RBM39: variants seen among roughly 807,000 people sequenced by gnomAD.
The protein encoded by RBM39 is RNA-binding protein 39.
In RBM39, 12 loss-of-function variants were observed where a neutral mutation model predicts 79.6. The ratio of observed to expected loss-of-function variants is 0.15; its 90% CI spans 0.10 to 0.24. RBM39 has a LOEUF of 0.24. Among genes scored for constraint, RBM39 ranks in the 10% least tolerant of loss-of-function variants. The pLI is 1.00. For missense variants in RBM39, 243 were observed against 653.4 expected, an observed-to-expected ratio of 0.37 and a Z score of 6.85; for synonymous variants, 185 against 208.4, an observed-to-expected ratio of 0.89 and a Z score of 0.97.
intron 2 of RBM39, 76 bp from the exon 3 acceptor site, chr20:35,739,093 G>C: frequency 8.4e-7 from 1 of 1,186,712 alleles, no homozygotes; most frequent in Non-Finnish European, 1.2e-6. Flanking sequence ...AAAGGGAACA[G>C]GAATAAGAAA....
intron 1 of RBM39, 64 bp from the exon 2 acceptor site, chr20:35,740,951 CT>C: frequency 1.7e-6 from 2 of 1,160,968 alleles, no homozygotes; most frequent in Non-Finnish European, 2.5e-6. Context: ...ACAAGTTTCA[CT>C]CTTGTTGCCT....
chr20:35,712,937 A>C (rs2036624697), intron 12 of RBM39, 82 bp downstream of exon 12: 1 of 1,074,214 alleles, frequency 9.3e-7, no homozygotes, highest in Non-Finnish European at 1.3e-6. Flanking sequence ...ATTCTCAGTA[A>C]GTCCTTTTAA....
intron 13 of RBM39, chr20:35,708,766 A>T (rs1257596358): frequency 6.4e-6 from 1 of 156,500 alleles, no homozygotes; most frequent in Non-Finnish European, 1.4e-5. Context: ...ATTGCTTGGT[A>T]CTGGCTTAAA....
rs376897761 is a variant in RBM39 at position 35,705,364 on chromosome 20, T to C, written c.1308-34A>G. On this transcript the variant is annotated intron_variant, in intron 14 of 16. Coordinates refer to ENST00000253363, the MANE Select transcript of RBM39 (RefSeq NM_184234.3). Reference sequence around the variant, plus strand: ...AAGTATTAAGGACTCTTAAATACTATTGAAACTAACAAACTATATATTTAC... The same window carrying C: ...AAGTATTAAGGACTCTTAAATACTACTGAAACTAACAAACTATATATTTAC... 255 of 1,138,604 alleles carry C rather than the reference T, an allele frequency of 2.2e-4. No homozygotes were observed. The African/African-American group carries it at 2.3e-3, about 10-fold the overall frequency. The allele number at this position is 1,138,604 out of a possible 1,614,324, so 70.5% of individuals were successfully genotyped here. A position where few individuals can be genotyped will look rare whatever the true frequency, so the allele number is the denominator to read the frequency against.
intron 1 of RBM39, 143 bp from the exon 2 acceptor site, chr20:35,741,030 C>CTTTTTTATTTTTTTTTTTTTTTT (rs2040449629): frequency 8.4e-6 from 1 of 118,628 alleles, no homozygotes. Flanking sequence ...AAACATTTTT[C>CTTTTTTATTTTTTTTTTTTTTTT]TTTTTTTTTT....
rs1227073501 is a variant in RBM39, at chr20:35,742,055, G to A, written c.-128C>T. ...TGCTACTGTTAAGCCCCTAGGCCCA[G>A]GCCGCGGAACCGCCCAGCCCGAATA... On this transcript the variant is annotated 5_prime_UTR_variant, in exon 1 of 17. Transcript: ENST00000253363. 5.0e-6 allele frequency: 1 copy of A among 199,904 alleles called. No homozygotes were observed. Among genetic ancestry groups the A allele is most frequent in the Non-Finnish European group, 1.0e-5 (1 of 95,426 alleles). 12.4% of individuals were successfully genotyped at this position (199,904 alleles called of 1,614,324 possible). A position where few individuals can be genotyped will look rare whatever the true frequency, so the allele number is the denominator to read the frequency against.
At chr20:35,724,773 G>T in intron 7 of RBM39, 51 bp from the exon 8 acceptor site, 1 of 1,579,884 alleles carries the variant, frequency 6.3e-7, no homozygotes. Context: ...AACACATGTA[G>T]AATTATTTCA....
chr20:35,713,254 AGG>A (rs1491457273), intron 11 of RBM39, 158 bp from the exon 12 acceptor site: 2 of 546,908 alleles, frequency 3.7e-6, no homozygotes, highest in African/African-American at 3.8e-5. Context: ...TGGGAGGCCA[AGG>A]GAGGTGGTTC....
intron 3 of RBM39, 178 bp from the exon 4 acceptor site, chr20:35,732,313 T>G (rs866571003): frequency 1.7e-5 from 11 of 628,852 alleles, no homozygotes; most frequent in Admixed American, 8.9e-5. Context: ...ATCTCAGCAC[T>G]TTGGTAGGCC....
intron 6 of RBM39, among the ~76,000 whole-genome samples, chr20:35,725,367 CAAT>C (rs754622113): frequency 1.4e-4 from 22 of 152,136 alleles, no homozygotes; most frequent in African/African-American, 2.9e-4. Flanking sequence ...AACTCCACAA[CAAT>C]ATTTCCATCT....
At chr20:35,732,159 TATC>T in intron 3 of RBM39, 24 bp from the exon 4 acceptor site, 1 of 1,611,170 alleles carries the variant, frequency 6.2e-7, no homozygotes, top group East Asian at 2.2e-5. Flanking sequence ...AACTCGCCAT[TATC>T]ATGCTGGCTT....
At chr20:35,734,573 C>A in intron 3 of RBM39, 1 of 233,108 alleles carries the variant, frequency 4.3e-6, no homozygotes, top group Non-Finnish European at 8.4e-6. Context: ...GCAAGAGAGG[C>A]AACCAACCTA....
chr20:35,704,535 G>A lies in RBM39; in HGVS notation c.1539C>T (p.Asn513=). 1 of 1,613,616 alleles carries A rather than the reference G, an allele frequency of 6.2e-7. No individual in the cohort carries two copies. Among genetic ancestry groups the A allele is most frequent in the Non-Finnish European group, 8.5e-7 (1 of 1,179,624 alleles). Reference sequence around the variant, plus strand: ...TTGCTGTCATAGAATCAGGAAACAGGTTGTGGTAAGTTGGAAGAGGTACAT... The same window carrying A: ...TTGCTGTCATAGAATCAGGAAACAGATTGTGGTAAGTTGGAAGAGGTACAT... ...AAYVPLPTYH[N]LFPDSMTATQ... The change falls in exon 17 of 17, where the codon AAC becomes AAT. Residue 513 remains asparagine (N), a synonymous_variant. Transcript: ENST00000253363.
At position 35,702,570 on chromosome 20, in the gene RBM39, T is replaced by TA. The variant is rs571393930; in HGVS notation, c.*1910dup. On this transcript the variant is annotated 3_prime_UTR_variant, in exon 17 of 17. Coordinates refer to ENST00000253363, the MANE Select transcript of RBM39 (RefSeq NM_184234.3). ...AAGGGGAAAAACTGATAGCAGGAGA[T>TA]ACTTTGGAAAAAGAGCACACTGACA... 96 of 151,956 alleles carry TA rather than the reference T, an allele frequency of 6.3e-4. No homozygotes were observed. Among genetic ancestry groups the TA allele is most frequent in the African/African-American group, 2.3e-3 (95 of 41,552 alleles). The allele number at this position is 151,956 out of a possible 1,614,324, so 9.4% of individuals were successfully genotyped here.
rs1600419814 is a variant in RBM39 at position 35,712,878 on chromosome 20, T to C, written c.1174+141A>G. 4.7e-6 allele frequency: 3 copies of C among 636,746 alleles called. No individual in the cohort carries two copies. In the South Asian group the frequency reaches 6.5e-5, roughly 14 times the overall value. The allele number at this position is 636,746 out of a possible 1,614,324, so 39.4% of individuals were successfully genotyped here. The stretch of plus-strand genomic sequence containing the variant: ...AATTCTACCCTATGTCTCCACTTCC[T>C]TAAATAGAAGACTACAAACTAACAG... On this transcript the variant is annotated intron_variant, in intron 12 of 16. Coordinates refer to ENST00000253363, the MANE Select transcript of RBM39 (RefSeq NM_184234.3).
chr20:35,738,185 T>C (rs1243494163), intron 3 of RBM39, among the ~76,000 whole-genome samples: 2 of 147,608 alleles, frequency 1.4e-5, no homozygotes, highest in Non-Finnish European at 3.0e-5. Context: ...AAAGAATCAC[T>C]TGAACCCAGG....
intron 12 of RBM39, chr20:35,710,502 GTCATA>G (rs2036270087): frequency 6.6e-6 from 1 of 152,016 alleles, no homozygotes; most frequent in Non-Finnish European, 1.5e-5. Context: ...AAAATGATTT[GTCATA>G]TCATTTGTGA....
intron 14 of RBM39, among the ~76,000 whole-genome samples, chr20:35,705,933 A>C (rs2035673952): frequency 6.6e-6 from 1 of 151,982 alleles, no homozygotes; most frequent in Non-Finnish European, 1.5e-5. Flanking sequence ...CAGGCGCAGC[A>C]GCTCATGCCT....
chr20:35,727,687 T>C (rs1193454116), intron 6 of RBM39, among the ~76,000 whole-genome samples: 1 of 149,198 alleles, frequency 6.7e-6, no homozygotes, highest in Non-Finnish European at 1.5e-5. Flanking sequence ...TTCGCTCTTG[T>C]TGCCCAGGCT....
Sources: allele counts gnomAD v4.1 joint callset (sites outside exome capture counted in the v4.1 genomes callset), GRCh38; gene constraint gnomAD v4.1.1; transcripts MANE v1.5; gene names NCBI Gene and HGNC (gene_info 2026-07-23, HGNC 2026-07-21).